CCDC171: variants seen among roughly 807,000 people sequenced by gnomAD.
CCDC171 encodes the protein coiled-coil domain containing 171.
CCDC171 carries 177 observed loss-of-function variants against 168.2 expected under a neutral mutation model. The ratio of observed to expected loss-of-function variants is 1.05; its 90% confidence interval spans 0.93 to 1.19. CCDC171 has a LOEUF of 1.19. Among genes scored for constraint, CCDC171 ranks in the 50% most tolerant of loss-of-function variants. CCDC171 has a pLI of 0.00. For missense variants in CCDC171, 1,991 were observed against 1,539.0 expected, an observed-to-expected ratio of 1.29 and a Z score of -4.91; for synonymous variants, 687 against 540.8, an observed-to-expected ratio of 1.27 and a Z score of -3.75.
At chr9:15,553,734 G>C (rs1289637600) in intron 1 of CCDC171, 1 of 152,164 alleles carries the variant, frequency 6.6e-6, no homozygotes, top group Non-Finnish European at 1.5e-5. Flanking sequence ...GTCACCTGCA[G>C]CTTCTACCTA....
chr9:15,626,753 A>G (rs559603691), intron 7 of CCDC171, among the ~76,000 whole-genome samples: 3 of 152,218 alleles, frequency 2.0e-5, no homozygotes, highest in Non-Finnish European at 2.9e-5. Flanking sequence ...AATGTTCATC[A>G]GGGATATTGG....
Position 15,736,076 on chromosome 9 carries a change from A to G in CCDC171, c.2049+6278A>G, listed in dbSNP as rs567438797. Reference sequence around the variant, plus strand: ...CAAGCGAGGAATCTGAGGTTCAGACAACTGATACTACTTACTTGTGTAGTA... The same window carrying G: ...CAAGCGAGGAATCTGAGGTTCAGACGACTGATACTACTTACTTGTGTAGTA... On this transcript the variant is annotated intron_variant, in intron 16 of 25. Transcript: ENST00000380701. Among the ~76,000 whole-genome samples, 3 of 152,256 alleles carry G rather than the reference A, an allele frequency of 2.0e-5. No individual in the cohort carries two copies. The South Asian group carries it at 6.2e-4, about 32-fold the overall frequency.
chr9:15,956,736 A>G (rs1333564523), intron 25 of CCDC171, among the ~76,000 whole-genome samples: 1 of 152,202 alleles, frequency 6.6e-6, no homozygotes, highest in East Asian at 1.9e-4. Context: ...CCTCAGTAAC[A>G]TGACAAAAAT....
At chr9:16,088,788 A>G in the CCDC171 span, among the ~76,000 whole-genome samples, 1 of 152,212 alleles carries the variant, frequency 6.6e-6, no homozygotes, top group African/African-American at 2.4e-5. Context: ...ATACTGCCCA[A>G]AGTAATTTAT....
chr9:15,560,574 C>T (rs2039212214), intron 1 of CCDC171, among the ~76,000 whole-genome samples: 1 of 152,098 alleles, frequency 6.6e-6, no homozygotes, highest in Non-Finnish European at 1.5e-5. Flanking sequence ...GTTTTCAGCT[C>T]CATCAGGTCA....
At chr9:15,757,038 C>G (rs2056164792) in intron 18 of CCDC171, among the ~76,000 whole-genome samples, 1 of 152,142 alleles carries the variant, frequency 6.6e-6, no homozygotes. Context: ...AATGGACTAA[C>G]TAATACAGTA....
chr9:15,636,635 G>T (rs1005942731), intron 7 of CCDC171, among the ~76,000 whole-genome samples: 3 of 151,372 alleles, frequency 2.0e-5, no homozygotes, highest in African/African-American at 7.3e-5. Flanking sequence ...TGTAGTCCCA[G>T]CTGCTTGGGA....
chr9:15,850,793 C>G (rs1325648132), intron 23 of CCDC171, among the ~76,000 whole-genome samples: 1 of 151,926 alleles, frequency 6.6e-6, no homozygotes, highest in African/African-American at 2.4e-5. Flanking sequence ...CTTGGACTTC[C>G]CATTGGCATT....
chr9:16,063,507 G>A (rs1399477065), downstream of CCDC171, among the ~76,000 whole-genome samples: 1 of 152,208 alleles, frequency 6.6e-6, no homozygotes, highest in East Asian at 1.9e-4. Flanking sequence ...AAGCTAAAAA[G>A]TGAAGTTGGG....
intron 12 of CCDC171, 39 bp from the exon 13 acceptor site, chr9:15,723,642 A>G (rs374288307): frequency 1.1e-5 from 16 of 1,501,228 alleles, no homozygotes; most frequent in Middle Eastern, 1.7e-4. Context: ...AGTTACTTAT[A>G]TTTTCTTTCA....
intron 3 of CCDC171, among the ~76,000 whole-genome samples, chr9:16,000,278 C>T (rs75921819): frequency 7.4e-4 from 113 of 152,192 alleles, no homozygotes; most frequent in African/African-American, 2.5e-3. Flanking sequence ...CTTTTCTTTC[C>T]GTATTATTCT....
chr9:15,631,998 T>C (rs2132304899), intron 7 of CCDC171, among the ~76,000 whole-genome samples: 1 of 152,200 alleles, frequency 6.6e-6, no homozygotes, highest in South Asian at 2.1e-4. Flanking sequence ...TCTCAATAAA[T>C]TAGGTATTGA....
chr9:16,058,843 T>C (rs1299322078), intron 1 of CCDC171, among the ~76,000 whole-genome samples: 2 of 152,230 alleles, frequency 1.3e-5, no homozygotes, highest in Non-Finnish European at 2.9e-5. Context: ...TAAGGCAGGA[T>C]TGACCCTGGG....
At chr9:15,660,406 T>G (rs1418293382) in intron 8 of CCDC171, among the ~76,000 whole-genome samples, 1 of 152,196 alleles carries the variant, frequency 6.6e-6, no homozygotes, top group Non-Finnish European at 1.5e-5. Flanking sequence ...GGGGCATGAT[T>G]GATTTTGTCA....
chr9:15,938,164 G>C (rs371323782), intron 25 of CCDC171, among the ~76,000 whole-genome samples: 1 of 151,782 alleles, frequency 6.6e-6, no homozygotes, highest in Non-Finnish European at 1.5e-5. Context: ...TGCAGATGAG[G>C]AATCTCAGTC....
chr9:15,694,370 A>G (rs965085181), intron 10 of CCDC171, among the ~76,000 whole-genome samples: 6 of 152,116 alleles, frequency 3.9e-5, no homozygotes, highest in Non-Finnish European at 8.8e-5. Context: ...GTTCATTCAC[A>G]TATATTTATT....
the CCDC171 span, among the ~76,000 whole-genome samples, chr9:16,069,292 T>A: frequency 2.6e-5 from 4 of 152,270 alleles, no homozygotes; most frequent in African/African-American, 9.6e-5. Flanking sequence ...CATTTTGGTG[T>A]TTTTGAGCAT....
chr9:15,618,985 G>A (rs1479914475), intron 6 of CCDC171, among the ~76,000 whole-genome samples: 1 of 152,072 alleles, frequency 6.6e-6, no homozygotes, highest in Non-Finnish European at 1.5e-5. Context: ...CTGTCCAGTG[G>A]TCTTTACGTT....
At chr9:15,586,717 T>TA (rs1322986400) in intron 4 of CCDC171, among the ~76,000 whole-genome samples, 3 of 152,156 alleles carry the variant, frequency 2.0e-5, no homozygotes, top group African/African-American at 4.8e-5. Context: ...GATGGCGAAA[T>TA]AGAGTCTTTT....
Sources: gnomAD v4.1 joint callset for allele counts (sites outside exome capture counted in the v4.1 genomes callset) on GRCh38, gnomAD v4.1.1 for gene constraint, MANE v1.5 for transcripts, NCBI Gene and HGNC (gene_info 2026-07-23, HGNC 2026-07-21) for gene names.